Variants in CREB5 observed in about 807,000 individuals in gnomAD.
CREB5 encodes cAMP responsive element binding protein 5.
A neutral mutation model predicts 57.1 loss-of-function variants in CREB5; 19 were observed. The observed-to-expected ratio is 0.33, with a 90% confidence interval of 0.23 to 0.49. The LOEUF is 0.49. CREB5 is among the 20% of genes least tolerant of loss of function. The pLI is 0.99. For synonymous variants in CREB5, 238 were observed against 238.3 expected (o/e 1.00, Z 0.01); for missense variants, 579 against 671.6 (o/e 0.86, Z 1.52).
chr7:28,498,508 C>T (rs1792144210), intron 3 of CREB5, among the ~76,000 whole-genome samples: 3 of 152,232 alleles, frequency 2.0e-5, no homozygotes, highest in Middle Eastern at 3.4e-3. Context: ...AAGTTTCCAA[C>T]GGGTTGAAAG....
chr7:28,707,289 T>C (rs915390724), intron 5 of CREB5, among the ~76,000 whole-genome samples: 5 of 152,230 alleles, frequency 3.3e-5, no homozygotes, highest in African/African-American at 9.6e-5. Context: ...AGATTATGCA[T>C]TGATCGTCTT....
At chr7:28,571,308 G>A (rs1289922819) in intron 5 of CREB5, among the ~76,000 whole-genome samples, 1 of 152,038 alleles carries the variant, frequency 6.6e-6, no homozygotes, top group East Asian at 1.9e-4. Context: ...ACGGATAAGG[G>A]GGACCACCAT....
At chr7:28,605,262 A>G (rs1797086741) in intron 5 of CREB5, among the ~76,000 whole-genome samples, 1 of 152,214 alleles carries the variant, frequency 6.6e-6, no homozygotes, top group South Asian at 2.1e-4. Context: ...ATTTGTAAAC[A>G]TTGGAAATTT....
intron 3 of CREB5, among the ~76,000 whole-genome samples, chr7:28,498,188 T>C (rs1337329493): frequency 4.6e-5 from 7 of 152,202 alleles, no homozygotes; most frequent in Non-Finnish European, 7.3e-5. Flanking sequence ...ATCATGAAGA[T>C]GAATGATTTT....
intron 1 of CREB5, among the ~76,000 whole-genome samples, chr7:28,379,316 A>G (rs946991242): frequency 2.0e-5 from 3 of 152,196 alleles, no homozygotes; most frequent in African/African-American, 7.2e-5. Flanking sequence ...CTAACCACCA[A>G]TTTAAGCTAA....
chr7:28,718,647 C>A, intron 5 of CREB5, 106 bp from the exon 6 acceptor site: 1 of 1,458,010 alleles, frequency 6.9e-7, no homozygotes, highest in Non-Finnish European at 9.2e-7. Flanking sequence ...ATCAGTGGAT[C>A]TGATCTGCTG....
intron 4 of CREB5, among the ~76,000 whole-genome samples, chr7:28,513,182 C>G (rs1792790378): frequency 6.6e-6 from 1 of 152,244 alleles, no homozygotes; most frequent in South Asian, 2.1e-4. Context: ...CAGCCGCTAG[C>G]CAGCATCGCT....
chr7:28,514,866 T>C (rs915899679), intron 4 of CREB5, among the ~76,000 whole-genome samples: 9 of 152,196 alleles, frequency 5.9e-5, no homozygotes, highest in Admixed American at 4.6e-4. Context: ...GAGGTGCTAA[T>C]GTCTCCCTTG....
chr7:28,796,683 T>G (rs1350637722), intron 7 of CREB5, among the ~76,000 whole-genome samples: 3 of 152,238 alleles, frequency 2.0e-5, no homozygotes, highest in African/African-American at 7.2e-5. Flanking sequence ...TTTCTTTGTT[T>G]TAGACATTCA....
At chr7:28,633,279 C>T (rs538300153) in intron 5 of CREB5, among the ~76,000 whole-genome samples, 5 of 152,296 alleles carry the variant, frequency 3.3e-5, no homozygotes, top group African/African-American at 9.6e-5. Context: ...AAAACAAATA[C>T]TGGTGATACC....
intron 7 of CREB5, among the ~76,000 whole-genome samples, chr7:28,727,479 A>G (rs1299182246): frequency 6.6e-6 from 1 of 152,210 alleles, no homozygotes; most frequent in Non-Finnish European, 1.5e-5. Context: ...GGTAGGGGAA[A>G]TGCAAACCAT....
intron 4 of CREB5, among the ~76,000 whole-genome samples, chr7:28,514,004 A>G (rs1452170446): frequency 6.6e-6 from 1 of 152,128 alleles, no homozygotes; most frequent in Non-Finnish European, 1.5e-5. Flanking sequence ...CTTAATATTA[A>G]GTGTTCGATG....
intron 5 of CREB5, among the ~76,000 whole-genome samples, chr7:28,655,866 ACT>A (rs1200758883): frequency 6.6e-6 from 1 of 152,088 alleles, no homozygotes; most frequent in Non-Finnish European, 1.5e-5. Flanking sequence ...GATTGGGGAA[ACT>A]CTAAATGTCT....
At chr7:28,475,688 A>G (rs1791042222) in intron 1 of CREB5, among the ~76,000 whole-genome samples, 1 of 152,068 alleles carries the variant, frequency 6.6e-6, no homozygotes, top group East Asian at 1.9e-4. Context: ...AAGAAGGCTG[A>G]GTTTCTCATC....
chr7:28,713,090 T>C (rs1400783014), intron 5 of CREB5, among the ~76,000 whole-genome samples: 4 of 152,218 alleles, frequency 2.6e-5, no homozygotes, highest in Admixed American at 1.3e-4. Context: ...TCTCGCTCTG[T>C]TGCCCAGGCT....
chr7:28,590,174 C>T (rs933057051), intron 5 of CREB5, among the ~76,000 whole-genome samples: 6 of 152,148 alleles, frequency 3.9e-5, no homozygotes, highest in Non-Finnish European at 5.9e-5. Context: ...CATCCCATTA[C>T]TGGGTATATA....
intron 7 of CREB5, among the ~76,000 whole-genome samples, chr7:28,725,070 A>C (rs114642522): frequency 0.037 from 5,604 of 152,300 alleles, 152 homozygotes; most frequent in African/African-American, 0.075. Context: ...TTTAATTCTC[A>C]TGCCACAATT....
intron 5 of CREB5, among the ~76,000 whole-genome samples, chr7:28,636,551 T>A (rs73302846): frequency 1.7e-4 from 26 of 152,342 alleles, no homozygotes; most frequent in African/African-American, 6.3e-4. Flanking sequence ...CTTTGTTTAA[T>A]GTTCCCTTTC....
intron 5 of CREB5, among the ~76,000 whole-genome samples, chr7:28,635,376 A>G (rs968447789): frequency 6.6e-6 from 1 of 152,216 alleles, no homozygotes; most frequent in African/African-American, 2.4e-5. Context: ...AAAGATGAAT[A>G]CACAGTTCTA....
Sources: gnomAD v4.1 joint callset for allele counts (sites outside exome capture counted in the v4.1 genomes callset) on GRCh38, gnomAD v4.1.1 for gene constraint, MANE v1.5 for transcripts, NCBI Gene and HGNC (gene_info 2026-07-23, HGNC 2026-07-21) for gene names.